CSMD1: variants seen among roughly 807,000 people sequenced by gnomAD.
The protein encoded by CSMD1 is CUB and sushi domain-containing protein 1.
In CSMD1, 213 loss-of-function variants were observed where a neutral mutation model predicts 417.5. That is an observed-to-expected ratio of 0.51 (90% CI 0.46 to 0.57). CSMD1 has a LOEUF of 0.57. Ranked by LOEUF, CSMD1 falls within the 20% of genes least tolerant of loss-of-function variation. The pLI, the probability that CSMD1 is intolerant of heterozygous loss-of-function variation, is 0.00. For missense variants in CSMD1, 6,923 were observed against 4,529.7 expected, an observed-to-expected ratio of 1.53 and a Z score of -15.17; for synonymous variants, 2,862 against 1,736.8, an observed-to-expected ratio of 1.65 and a Z score of -16.11.
chr8:4,464,545 G>GA (rs1800038105), intron 2 of CSMD1, among the ~76,000 whole-genome samples: 2 of 152,100 alleles, frequency 1.3e-5, no homozygotes, highest in Non-Finnish European at 2.9e-5. Context: ...AACTAAAAGT[G>GA]AAAAGCAGAA....
intron 2 of CSMD1, among the ~76,000 whole-genome samples, chr8:4,629,407 G>A (rs980940307): frequency 3.3e-5 from 5 of 152,060 alleles, no homozygotes; most frequent in Non-Finnish European, 5.9e-5. Flanking sequence ...ATACTTACTG[G>A]CACAAATGTA....
intron 7 of CSMD1, among the ~76,000 whole-genome samples, chr8:3,676,022 T>G (rs760400066): frequency 6.6e-6 from 1 of 152,230 alleles, no homozygotes; most frequent in Non-Finnish European, 1.5e-5. Context: ...CTTAGTATCT[T>G]ATCATTTATG....
chr8:3,813,468 C>T (rs1045457189), intron 5 of CSMD1, among the ~76,000 whole-genome samples: 1 of 151,948 alleles, frequency 6.6e-6, no homozygotes, highest in African/African-American at 2.4e-5. Flanking sequence ...TTAGTAATGT[C>T]GTATCTTTTG....
chr8:3,859,487 C>G (rs955083195), intron 5 of CSMD1, among the ~76,000 whole-genome samples: 2 of 152,172 alleles, frequency 1.3e-5, no homozygotes, highest in African/African-American at 4.8e-5. Context: ...AGAATCTTTG[C>G]CATACTTATA....
intron 3 of CSMD1, among the ~76,000 whole-genome samples, chr8:4,117,744 G>C (rs1802240035): frequency 6.6e-6 from 1 of 152,128 alleles, no homozygotes. Context: ...AAGTTTAGAT[G>C]TCAAATAGAT....
chr8:4,447,194 G>C (rs537018415), intron 2 of CSMD1, among the ~76,000 whole-genome samples: 4 of 152,126 alleles, frequency 2.6e-5, no homozygotes, highest in African/African-American at 4.8e-5. Flanking sequence ...CAATTATTAT[G>C]GATAAGGGAA....
intron 6 of CSMD1, among the ~76,000 whole-genome samples, chr8:3,734,373 A>T (rs1283271381): frequency 1.3e-5 from 2 of 152,154 alleles, no homozygotes; most frequent in Non-Finnish European, 2.9e-5. Flanking sequence ...AGAAAAATGG[A>T]TTTGCTTCTG....
At chr8:4,621,545 T>C (rs1801779889) in intron 2 of CSMD1, among the ~76,000 whole-genome samples, 3 of 152,106 alleles carry the variant, frequency 2.0e-5, no homozygotes, top group South Asian at 4.1e-4. Flanking sequence ...AGAATATACA[T>C]TGAATTTTTT....
Position 3,343,433 on chromosome 8 carries a change from G to A in CSMD1, c.3492C>T (p.Asp1164=). ...ACGTGCCCAGTGGACGTGAGGAACT[G>A]TCTTTTCCATCATATACCTGATGAA... The part of the protein sequence containing the change: ...GDTLKVYDGK[D]SSSRPLGTFT... Residue 1164 remains aspartate, a synonymous_variant, in exon 23 of 70, where the codon GAC becomes GAT. Coordinates refer to ENST00000635120, the MANE Select transcript of CSMD1 (RefSeq NM_033225.6). 6.2e-7 allele frequency: 1 copy of A among 1,613,594 alleles called. No homozygotes were observed. The highest frequency in any genetic ancestry group is 8.5e-7 in the Non-Finnish European group (1 of 1,179,652).
rs545810114 is a variant in CSMD1 at position 3,878,260 on chromosome 8, A to G, written c.818+119643T>C. ...ATGATAATTTCTTAGATTATATACA[A>G]TTTCCAGGAATGGGACTAAAATAAA... On this transcript the variant is annotated intron_variant, in intron 5 of 69. Transcript: ENST00000635120. Among the ~76,000 whole-genome samples, 15 of 152,284 alleles carry G rather than the reference A, an allele frequency of 9.9e-5. No homozygotes were observed. In the South Asian group the frequency reaches 2.7e-3, roughly 27 times the overall value.
At chr8:3,290,109 T>G (rs1803439701) in intron 25 of CSMD1, among the ~76,000 whole-genome samples, 1 of 146,916 alleles carries the variant, frequency 6.8e-6, no homozygotes, top group Non-Finnish European at 1.5e-5. Flanking sequence ...CTTGTTTTTG[T>G]CAGGTTTGTC....
chr8:4,822,715 A>T (rs1180670328), intron 1 of CSMD1, among the ~76,000 whole-genome samples: 1 of 152,150 alleles, frequency 6.6e-6, no homozygotes, highest in Non-Finnish European at 1.5e-5. Context: ...TCCTATATGT[A>T]AGCTTTCATA....
chr8:4,288,596 G>A (rs985546875), intron 3 of CSMD1, among the ~76,000 whole-genome samples: 2 of 152,198 alleles, frequency 1.3e-5, no homozygotes, highest in Non-Finnish European at 2.9e-5. Flanking sequence ...GCATGCAGCT[G>A]GAGTTCCTGC....
intron 3 of CSMD1, among the ~76,000 whole-genome samples, chr8:4,390,353 A>G (rs962282249): frequency 3.3e-5 from 5 of 152,134 alleles, no homozygotes; most frequent in African/African-American, 1.2e-4. Flanking sequence ...CCATAATAAT[A>G]CCACATTCCA....
Position 2,935,459 on chromosome 8 carries a change from A to G in CSMD1, c.*3126T>C, listed in dbSNP as rs1158691062. The G allele has an allele frequency of 1.3e-5, 2 of 152,198 alleles. No individual in the cohort carries two copies. The highest frequency in any genetic ancestry group is 3.8e-4 in the East Asian group (2 of 5,200). The allele number at this position is 152,198 out of a possible 1,614,324, so 9.4% of individuals were successfully genotyped here. On this transcript the variant is annotated 3_prime_UTR_variant, in exon 70 of 70. Transcript: ENST00000635120. ...TCTTTATAATTTTTTTGACAAAAAA[A>G]AGATACTGTTCATTTTAACAGGCCA...
chr8:3,142,828 C>T (rs977324910), intron 40 of CSMD1, among the ~76,000 whole-genome samples, 154 bp from the exon 41 acceptor site: 2 of 152,224 alleles, frequency 1.3e-5, no homozygotes, highest in Non-Finnish European at 2.9e-5. Context: ...CTGTGGATGA[C>T]AGCAAACCCT....
chr8:4,813,937 C>T (rs1435238814), intron 1 of CSMD1, among the ~76,000 whole-genome samples: 1 of 152,116 alleles, frequency 6.6e-6, no homozygotes, highest in Non-Finnish European at 1.5e-5. Flanking sequence ...TGTAATTATA[C>T]ATTTTTGATT....
chr8:4,797,849 T>A (rs1281194588), intron 1 of CSMD1, among the ~76,000 whole-genome samples: 5 of 152,168 alleles, frequency 3.3e-5, no homozygotes, highest in Non-Finnish European at 7.3e-5. Context: ...AGAAACCATA[T>A]AAAGACATTT....
In CSMD1 at chr8:4,655,764, T is replaced by C. The variant is rs778107832; in HGVS notation, c.86-18206A>G. On this transcript the variant is annotated intron_variant, in intron 1 of 69. Transcript: ENST00000635120. ...CCAACAGCTACTCACACTAATAGTA[T>C]AATTTACGTTGATATAATATCAAAT... Among the ~76,000 whole-genome samples the C allele has an allele frequency of 3.3e-5, 5 of 152,180 alleles. 1 individual carries two copies. The highest frequency in any genetic ancestry group is 4.8e-5 in the African/African-American group (2 of 41,390).
Sources: allele counts gnomAD v4.1 joint callset (sites outside exome capture counted in the v4.1 genomes callset), GRCh38; gene constraint gnomAD v4.1.1; transcripts MANE v1.5; gene names NCBI Gene and HGNC (gene_info 2026-07-23, HGNC 2026-07-21).